Variants in FAM76A observed in about 807,000 individuals in gnomAD.
FAM76A encodes the protein protein FAM76A.
FAM76A carries 32 observed loss-of-function variants against 46.2 expected under a neutral mutation model. The ratio of observed to expected loss-of-function variants is 0.69; its 90% CI spans 0.52 to 0.93. FAM76A has a LOEUF of 0.93. Ranked by LOEUF, FAM76A falls within the 40% of genes least tolerant of loss-of-function variation. FAM76A has a pLI of 0.00. For synonymous variants in FAM76A, 137 were observed against 127.0 expected (o/e 1.08, Z -0.53); for missense variants, 274 against 361.5 (o/e 0.76, Z 1.96).
chr1:27,735,467 T>C (rs902102821), intron 4 of FAM76A, among the ~76,000 whole-genome samples: 5 of 152,176 alleles, frequency 3.3e-5, no homozygotes, highest in African/African-American at 4.8e-5. Flanking sequence ...AGAAACTCTT[T>C]TTCAGTGGCC....
chr1:27,758,762 G>C (rs555956010), intron 7 of FAM76A, among the ~76,000 whole-genome samples: 2 of 140,562 alleles, frequency 1.4e-5, no homozygotes, highest in Admixed American at 1.6e-4. Flanking sequence ...CAAGTATTCC[G>C]CCCTTTTGGC....
Position 27,744,765 on chromosome 1 carries a change from GAGA to G in FAM76A, c.469_471del (p.Lys157del). 1 of 1,614,140 alleles carries G rather than the reference GAGA, an allele frequency of 6.2e-7. No individual in the cohort carries two copies. Among genetic ancestry groups the G allele is most frequent in the Non-Finnish European group, 8.5e-7 (1 of 1,180,020 alleles). ...TAGCTCTTCTCGTGCTGGCCACCAG[GAGA>G]AGGAGCAGTATAGTCGCCTGAGTGG... On this transcript the variant is annotated inframe_deletion, in exon 5 of 9. Coordinates refer to ENST00000373954, the MANE Select transcript of FAM76A (RefSeq NM_152660.3).
At position 27,725,965 on chromosome 1, in the gene FAM76A, G is replaced by GCGCC. The variant is rs991863227; in HGVS notation, c.-107_-104dup. The GCGCC allele has an allele frequency of 1.5e-5, 11 of 756,678 alleles. No homozygotes were observed. The African/African-American group carries it at 1.5e-4, about 10-fold the overall frequency. The allele number at this position is 756,678 out of a possible 1,614,324, so 46.9% of individuals were successfully genotyped here. ...CGCCCGGGTCCGCCCCGACCCGCCT[G>GCGCC]CGCCCGCCCGCCTGCCGCAGCCAGC... On this transcript the variant is annotated 5_prime_UTR_variant, in exon 1 of 9. Coordinates refer to ENST00000373954, the MANE Select transcript of FAM76A (RefSeq NM_152660.3).
intron 4 of FAM76A, among the ~76,000 whole-genome samples, chr1:27,738,013 A>C (rs955839664): frequency 3.3e-5 from 5 of 151,486 alleles, no homozygotes; most frequent in African/African-American, 1.2e-4. Context: ...TAATTATACC[A>C]CTGCACTGCA....
chr1:27,740,564 T>A lies in FAM76A; in HGVS notation c.355-4090T>A, dbSNP rs988331526. ...TGTTATGAGGAGTGAGGACCCCAGA[T>A]CTGTGATTGACTTGTTAAGAAATAT... On this transcript the variant is annotated intron_variant, in intron 4 of 8. Transcript: ENST00000373954. 115 of 1,057,672 alleles carry A rather than the reference T, an allele frequency of 1.1e-4. 1 individual carries two copies. Among genetic ancestry groups the A allele is most frequent in the Non-Finnish European group, 1.0e-5 (7 of 689,204 alleles). 65.5% of individuals were successfully genotyped at this position (1,057,672 alleles called of 1,614,324 possible). A position where few individuals can be genotyped will look rare whatever the true frequency, so the allele number is the denominator to read the frequency against.
intron 7 of FAM76A, among the ~76,000 whole-genome samples, chr1:27,758,428 A>C (rs185538106): frequency 6.6e-6 from 1 of 152,220 alleles, no homozygotes; most frequent in South Asian, 2.1e-4. Flanking sequence ...AATGGCACAT[A>C]AAAGGATTTT....
chr1:27,738,263 G>GGGT (rs2088090412), intron 4 of FAM76A, among the ~76,000 whole-genome samples: 1 of 152,046 alleles, frequency 6.6e-6, no homozygotes, highest in African/African-American at 2.4e-5. Context: ...AGGCTGAGGA[G>GGGT]GGTGGATCAC....
rs1314500093 is a variant in FAM76A, at chr1:27,751,792, A to G, written c.599+2638A>G. Among the ~76,000 whole-genome samples the G allele has an allele frequency of 2.0e-5, 3 of 150,952 alleles. No homozygotes were observed. In the East Asian group the frequency reaches 5.8e-4, roughly 29 times the overall value. ...GCTGGGATTACAGGAATGAGCCACT[A>G]TGCCTGGCTTTTTTTGTTTTTTTTC... On this transcript the variant is annotated intron_variant, in intron 6 of 8. Transcript: ENST00000373954.
chr1:27,734,331 A>C (rs2088009287), intron 4 of FAM76A, 148 bp downstream of exon 4: 12 of 689,830 alleles, frequency 1.7e-5, no homozygotes, highest in Admixed American at 3.7e-5. Flanking sequence ...GTGGATCATG[A>C]GGTCAGGAGA....
intron 7 of FAM76A, among the ~76,000 whole-genome samples, chr1:27,758,249 G>A (rs1487349903): frequency 6.6e-6 from 1 of 152,180 alleles, no homozygotes; most frequent in Non-Finnish European, 1.5e-5. Flanking sequence ...GTAAATGGCG[G>A]AACAAGGGAC....
Position 27,735,752 on chromosome 1 carries a change from T to C in FAM76A, c.354+1569T>C, listed in dbSNP as rs577194953. On this transcript the variant is annotated intron_variant, in intron 4 of 8. Transcript: ENST00000373954. ...GCATTATGCATCACTTTCTTCATCT[T>C]TCTCCATGGGAATAACAGTAGTTAC... Among the ~76,000 whole-genome samples, 8 of 152,314 alleles carry C rather than the reference T, an allele frequency of 5.3e-5. No individual in the cohort carries two copies. The East Asian group carries it at 1.4e-3, about 26-fold the overall frequency.
chr1:27,737,873 A>C (rs1354349753), intron 4 of FAM76A, among the ~76,000 whole-genome samples: 29 of 144,646 alleles, frequency 2.0e-4, no homozygotes, highest in African/African-American at 6.1e-4. Context: ...AACAACAAAA[A>C]AAAAAAAAAA....
intron 4 of FAM76A, among the ~76,000 whole-genome samples, chr1:27,741,193 A>ATTTTT (rs767134759): frequency 2.3e-4 from 27 of 116,480 alleles, no homozygotes; most frequent in African/African-American, 4.1e-4. Flanking sequence ...GGGAGATTTG[A>ATTTTT]TTTTTTTTTT....
intron 2 of FAM76A, among the ~76,000 whole-genome samples, chr1:27,731,267 A>C (rs549527083): frequency 7.0e-6 from 1 of 143,626 alleles, no homozygotes; most frequent in South Asian, 2.2e-4. Flanking sequence ...GCAATGGCGC[A>C]ATCTTGGCTC....
Position 27,755,183 on chromosome 1 carries a change from T to C in FAM76A, c.600-12T>C, listed in dbSNP as rs1557787410. 6.2e-7 allele frequency: 1 copy of C among 1,613,546 alleles called. No individual in the cohort carries two copies. The highest frequency in any genetic ancestry group is 8.5e-7 in the Non-Finnish European group (1 of 1,179,792). The stretch of plus-strand genomic sequence containing the variant: ...CCAAGTTAAAATATTTTCCCCTGAT[T>C]TTTAAATTTAGCTTCTCCCCAGACC... On this transcript the variant is annotated splice_polypyrimidine_tract_variant and intron_variant, in intron 6 of 8. Coordinates refer to ENST00000373954, the MANE Select transcript of FAM76A (RefSeq NM_152660.3).
rs867143803 is a variant in FAM76A at position 27,749,992 on chromosome 1, A to C, written c.599+838A>C. On this transcript the variant is annotated intron_variant, in intron 6 of 8. Transcript: ENST00000373954. ...TGGGTCCTAATATCCAGAGTGTCCCATCTGTGTTGGTACAGTGGGCTGCTT... is the reference window on the plus strand; with the variant it reads ...TGGGTCCTAATATCCAGAGTGTCCCCTCTGTGTTGGTACAGTGGGCTGCTT... Among the ~76,000 whole-genome samples the C allele has an allele frequency of 1.1e-4, 16 of 152,270 alleles. No homozygotes were observed. The South Asian group carries it at 1.5e-3, about 14-fold the overall frequency.
At chr1:27,738,852 T>G (rs2088102122) in intron 4 of FAM76A, among the ~76,000 whole-genome samples, 1 of 151,888 alleles carries the variant, frequency 6.6e-6, no homozygotes, top group Non-Finnish European at 1.5e-5. Flanking sequence ...AACATTTGAG[T>G]GGAAACTAGG....
At chr1:27,733,119 A>G (rs758166704) in intron 3 of FAM76A, among the ~76,000 whole-genome samples, 1 of 151,902 alleles carries the variant, frequency 6.6e-6, no homozygotes, top group Admixed American at 6.6e-5. Context: ...TTTAGTAGAG[A>G]TGGGGTTTCA....
rs759951429 is a variant in FAM76A, at chr1:27,727,521, A to C, written c.131A>C (p.Glu44Ala). 3 of 1,613,302 alleles carry C rather than the reference A, an allele frequency of 1.9e-6. No homozygotes were observed. The highest frequency in any genetic ancestry group is 2.5e-6 in the Non-Finnish European group (3 of 1,179,230). ...PVVKCTYCRT[E>A]YQQESKTNTI... ...GTGAAGTGCACCTACTGCAGGACTG[A>C]GTACCAGCAGGAGAGGTAGAGTTTT... is the stretch of plus-strand genomic sequence containing the variant. The change falls in exon 2 of 9, where the codon GAG becomes GCG. Residue 44 changes from glutamate (E) to alanine (A), a missense_variant. Physicochemically the swap from Glu to Ala is moderately radical, Grantham distance 107 (BLOSUM62 -1). Coordinates refer to ENST00000373954, the MANE Select transcript of FAM76A (RefSeq NM_152660.3).
Sources: allele counts gnomAD v4.1 joint callset (sites outside exome capture counted in the v4.1 genomes callset), GRCh38; gene constraint gnomAD v4.1.1; transcripts MANE v1.5; gene names NCBI Gene and HGNC (gene_info 2026-07-23, HGNC 2026-07-21).